GRXCR1: variants seen among roughly 807,000 people sequenced by gnomAD.
GRXCR1 encodes glutaredoxin and cysteine rich domain containing 1.
Under a neutral mutation model 27.3 loss-of-function variants are expected in GRXCR1, and 27 were observed. That is an observed-to-expected ratio of 0.99 (90% CI 0.73 to 1.37). The LOEUF is 1.37. GRXCR1 is among the 40% of genes most tolerant of loss of function. The pLI is 0.00. For missense variants in GRXCR1, 379 were observed against 354.4 expected (o/e 1.07, Z -0.56); for synonymous variants, 122 against 131.1 (o/e 0.93, Z 0.47).
intron 1 of GRXCR1, among the ~76,000 whole-genome samples, chr4:42,901,901 ACAAT>A (rs1182230235): frequency 2.0e-5 from 3 of 152,186 alleles, no homozygotes; most frequent in Non-Finnish European, 4.4e-5. Context: ...TAAATATGGC[ACAAT>A]CAAAGTATTG....
chr4:42,987,781 A>G lies in GRXCR1; in HGVS notation c.627+24647A>G, dbSNP rs1254413703. 5.9e-5 allele frequency among the ~76,000 whole-genome samples: 9 copies of G among 152,322 alleles called. No homozygotes were observed. In the East Asian group the frequency reaches 1.3e-3, roughly 23 times the overall value. On this transcript the variant is annotated intron_variant, in intron 2 of 3. Transcript: ENST00000399770. ...TAGATAAAATAATTCTAGGGATTCA[A>G]TGAAGTTTTCTAAAGGAATTCCAGA...
At chr4:42,969,152 T>C (rs1045727675) in intron 2 of GRXCR1, among the ~76,000 whole-genome samples, 1 of 152,164 alleles carries the variant, frequency 6.6e-6, no homozygotes, top group Non-Finnish European at 1.5e-5. Context: ...AAATAATAAC[T>C]AGTGTCATAA....
chr4:42,967,951 C>G (rs1433315021), intron 2 of GRXCR1, among the ~76,000 whole-genome samples: 1 of 152,084 alleles, frequency 6.6e-6, no homozygotes, highest in Non-Finnish European at 1.5e-5. Context: ...TATTTTAGGT[C>G]CTTTTCCTAG....
At chr4:42,974,115 G>A (rs1411921508) in intron 2 of GRXCR1, among the ~76,000 whole-genome samples, 2 of 152,074 alleles carry the variant, frequency 1.3e-5, no homozygotes, top group Non-Finnish European at 2.9e-5. Context: ...TGATTGCAGG[G>A]TACCAAATGA....
intron 2 of GRXCR1, among the ~76,000 whole-genome samples, chr4:42,981,931 T>C (rs1053189411): frequency 6.6e-6 from 1 of 152,198 alleles, no homozygotes; most frequent in African/African-American, 2.4e-5. Context: ...ATATAATATA[T>C]GAATGCAGAG....
Position 42,895,075 on chromosome 4 carries a change from G to A in GRXCR1, c.384+1425G>A, listed in dbSNP as rs570645151. ...CTCCCCCCAAATTTATTGTTTATGA[G>A]TAAATATCTTAAGCCTTTAAAACCT... On this transcript the variant is annotated intron_variant, in intron 1 of 3. Coordinates refer to ENST00000399770, the MANE Select transcript of GRXCR1 (RefSeq NM_001080476.3). Among the ~76,000 whole-genome samples, 3 of 152,034 alleles carry A rather than the reference G, an allele frequency of 2.0e-5. No homozygotes were observed. The South Asian group carries it at 6.2e-4, about 32-fold the overall frequency.
chr4:42,911,395 G>A (rs548095603), intron 1 of GRXCR1, among the ~76,000 whole-genome samples: 1 of 152,174 alleles, frequency 6.6e-6, no homozygotes, highest in East Asian at 1.9e-4. Context: ...TACAACTTCT[G>A]CTGTCAAGAA....
At chr4:42,920,147 A>G (rs1443432154) in intron 1 of GRXCR1, among the ~76,000 whole-genome samples, 1 of 152,132 alleles carries the variant, frequency 6.6e-6, no homozygotes, top group South Asian at 2.1e-4. Flanking sequence ...ATTGAAGGAC[A>G]ATAGACAAAT....
chr4:42,923,708 A>C (rs957398097), intron 1 of GRXCR1, among the ~76,000 whole-genome samples: 2 of 151,974 alleles, frequency 1.3e-5, no homozygotes, highest in African/African-American at 4.8e-5. Flanking sequence ...TTCCCACAAA[A>C]ACCAAATCCT....
chr4:42,906,257 C>A (rs1406600384), intron 1 of GRXCR1, among the ~76,000 whole-genome samples: 1 of 152,114 alleles, frequency 6.6e-6, no homozygotes, highest in Non-Finnish European at 1.5e-5. Flanking sequence ...CTCTAGTAGT[C>A]ATCTATTCTC....
chr4:42,926,966 A>T (rs1747170790), intron 1 of GRXCR1, among the ~76,000 whole-genome samples: 1 of 152,088 alleles, frequency 6.6e-6, no homozygotes, highest in Non-Finnish European at 1.5e-5. Context: ...ACTGATTGTC[A>T]TAGACTATAA....
chr4:42,904,239 G>T (rs73175974), intron 1 of GRXCR1, among the ~76,000 whole-genome samples: 1 of 152,264 alleles, frequency 6.6e-6, no homozygotes, highest in African/African-American at 2.4e-5. Context: ...AGTGCCCAAA[G>T]CCCTTCACAT....
Position 42,959,340 on chromosome 4 carries a change from G to A in GRXCR1, c.385-3552G>A, listed in dbSNP as rs143812081. 2.1e-3 allele frequency among the ~76,000 whole-genome samples: 322 copies of A among 151,786 alleles called. 1 individual carries two copies. Among genetic ancestry groups the A allele is most frequent in the African/African-American group, 6.7e-3 (279 of 41,456 alleles). The stretch of plus-strand genomic sequence containing the variant: ...CCAGGCAGAGAAAGAAAAATACTGC[G>A]TGATCTCGTTTATATGTGGAATCTG... On this transcript the variant is annotated intron_variant, in intron 1 of 3. Transcript: ENST00000399770.
At chr4:43,008,757 C>CAA in intron 2 of GRXCR1, among the ~76,000 whole-genome samples, 1 of 152,118 alleles carries the variant, frequency 6.6e-6, no homozygotes, top group Non-Finnish European at 1.5e-5. Context: ...TCTGACCCTG[C>CAA]CAACTGTTAG....
intron 2 of GRXCR1, among the ~76,000 whole-genome samples, chr4:42,967,020 T>C (rs1748253440): frequency 1.3e-5 from 2 of 152,106 alleles, no homozygotes; most frequent in African/African-American, 2.4e-5. Flanking sequence ...ACAATGTCTC[T>C]TAAGAGCAAA....
intron 2 of GRXCR1, among the ~76,000 whole-genome samples, chr4:42,968,119 C>T (rs1748292485): frequency 6.6e-6 from 1 of 152,170 alleles, no homozygotes; most frequent in African/African-American, 2.4e-5. Flanking sequence ...AAAACTCTAT[C>T]CTGTTAACTC....
intron 1 of GRXCR1, among the ~76,000 whole-genome samples, chr4:42,917,750 C>T (rs1577904736): frequency 6.6e-6 from 1 of 151,966 alleles, no homozygotes; most frequent in South Asian, 2.1e-4. Context: ...TGAACGGGGG[C>T]TATTAAGTAC....
At chr4:42,952,978 G>A (rs939789541) in intron 1 of GRXCR1, among the ~76,000 whole-genome samples, 2 of 152,176 alleles carry the variant, frequency 1.3e-5, no homozygotes, top group Non-Finnish European at 1.5e-5. Flanking sequence ...GAATTTGAGC[G>A]GTCCTACGTC....
intron 2 of GRXCR1, among the ~76,000 whole-genome samples, chr4:43,013,904 C>T (rs1209326874): frequency 6.6e-6 from 1 of 151,968 alleles, no homozygotes; most frequent in African/African-American, 2.4e-5. Context: ...GATAATATGG[C>T]TTTATTATAA....
Sources: gnomAD v4.1 joint callset for allele counts (sites outside exome capture counted in the v4.1 genomes callset) on GRCh38, gnomAD v4.1.1 for gene constraint, MANE v1.5 for transcripts, NCBI Gene and HGNC (gene_info 2026-07-23, HGNC 2026-07-21) for gene names.